Variants in YTHDF1 observed in about 807,000 individuals in gnomAD.
YTHDF1 encodes the protein YTH N6-methyladenosine RNA binding protein F1.
YTHDF1 carries 16 observed loss-of-function variants against 49.1 expected under a neutral mutation model. That is an observed-to-expected ratio of 0.33 (90% CI 0.22 to 0.49). The LOEUF (loss-of-function observed/expected upper bound fraction) is 0.49, where lower values mean the gene tolerates loss of function less well. Ranked by LOEUF, YTHDF1 falls within the 20% of genes least tolerant of loss-of-function variation. The pLI, the probability that YTHDF1 is intolerant of heterozygous loss-of-function variation, is 0.99. For missense variants in YTHDF1, 621 were observed against 744.3 expected (o/e 0.83, Z 1.93); for synonymous variants, 313 against 290.1 (o/e 1.08, Z -0.80).
chr20:63,199,874 C>T (rs2066509781), intron 4 of YTHDF1, among the ~76,000 whole-genome samples: 1 of 152,038 alleles, frequency 6.6e-6, no homozygotes, highest in Admixed American at 6.5e-5. Context: ...GCCTGGGCAA[C>T]ATAGCAAGAC....
In YTHDF1 at chr20:63,212,336, G is replaced by A. The variant is rs191723378; in HGVS notation, c.132+1528C>T. Among the ~76,000 whole-genome samples, 38 of 152,332 alleles carry A rather than the reference G, an allele frequency of 2.5e-4. No individual in the cohort carries two copies. In the East Asian group the frequency reaches 7.3e-3, roughly 29 times the overall value. On this transcript the variant is annotated intron_variant, in intron 3 of 4. Transcript: ENST00000370339. ...CGCCAAGTGCAGTAGGAGGGAGGGG[G>A]ATGAAGGAACATTCTAAGAAGTTCT...
chr20:63,199,875 A>G (rs2066509794), intron 4 of YTHDF1, among the ~76,000 whole-genome samples: 1 of 152,154 alleles, frequency 6.6e-6, no homozygotes. Flanking sequence ...CCTGGGCAAC[A>G]TAGCAAGACA....
In YTHDF1 at chr20:63,203,759, G is replaced by A; in HGVS notation, c.181C>T (p.Pro61Ser). The change falls in exon 4 of 5, where the codon CCG becomes TCG. Residue 61 changes from proline to serine, a missense_variant. Physicochemically the swap from Pro to Ser is moderately conservative, Grantham distance 74. Transcript: ENST00000370339. The surrounding 1 kb of genome is among the most constrained non-coding windows in gnomAD (Gnocchi z 4.4). The stretch of plus-strand genomic sequence containing the variant: ...GAGTAAGGAAATCCAATGGACGGCG[G>A]GTAATAGCTGGACAGGTAGGGGTCG... Reference protein sequence around the residue: ...MSDPYLSSYYPPSIGFPYSLN... With the variant: ...MSDPYLSSYYSPSIGFPYSLN... 1 of 1,613,882 alleles carries A rather than the reference G, an allele frequency of 6.2e-7. No individual in the cohort carries two copies. The highest frequency in any genetic ancestry group is 8.5e-7 in the Non-Finnish European group (1 of 1,179,822).
At chr20:63,213,709 A>G (rs1441276901) in intron 3 of YTHDF1, among the ~76,000 whole-genome samples, 155 bp downstream of exon 3, 3 of 152,364 alleles carry the variant, frequency 2.0e-5, no homozygotes, top group East Asian at 3.9e-4. Context: ...CAAGGTTAAC[A>G]GGAGTCACAT....
chr20:63,198,004 A>G (rs1353287024), intron 4 of YTHDF1, among the ~76,000 whole-genome samples: 1 of 152,148 alleles, frequency 6.6e-6, no homozygotes, highest in Non-Finnish European at 1.5e-5. Flanking sequence ...AAGGCTCCAG[A>G]GTATTTGGAT....
intron 1 of YTHDF1, 91 bp downstream of exon 1, chr20:63,215,775 C>A: frequency 1.4e-6 from 2 of 1,385,784 alleles, no homozygotes; most frequent in Non-Finnish European, 1.9e-6. Flanking sequence ...CCGGCCTCCG[C>A]GACCCCGGGC....
chr20:63,203,477 G>T lies in YTHDF1; in HGVS notation c.463C>A (p.Pro155Thr), dbSNP rs1177996775. ...ACCACCGTGCCACCCAGGGAGCTCG[G>T]GGGGTAGGTGTAGCTGCTCCCATAC... is the stretch of plus-strand genomic sequence containing the variant. The part of the protein sequence containing the change: ...SAYGSSYTYP[P>T]SSLGGTVVDG... The change falls in exon 4 of 5, where the codon CCG (proline) becomes ACG (threonine). Residue 155 changes from proline to threonine, a missense_variant. Physicochemically the swap from Pro to Thr is conservative, Grantham distance 38. Coordinates refer to ENST00000370339, the MANE Select transcript of YTHDF1 (RefSeq NM_017798.4). This position sits in a 1 kb window ranked among gnomAD's most constrained non-coding sequence, Gnocchi z 4.4. 1 of 1,613,486 alleles carries T rather than the reference G, an allele frequency of 6.2e-7. No individual in the cohort carries two copies.
chr20:63,211,960 TACACACACACAC>T (rs57357558), intron 3 of YTHDF1, among the ~76,000 whole-genome samples: 4,287 of 143,740 alleles, frequency 0.03, 88 homozygotes, highest in Non-Finnish European at 0.036. Context: ...GTCTCCAAAA[TACACACACACAC>T]ACACACACAC....
At chr20:63,201,345 A>C (rs575455260) in intron 4 of YTHDF1, among the ~76,000 whole-genome samples, 1 of 152,348 alleles carries the variant, frequency 6.6e-6, no homozygotes, top group South Asian at 2.1e-4. Context: ...AAAACACTGA[A>C]AACCCATCTA....
At chr20:63,213,988 T>C in intron 2 of YTHDF1, 45 bp from the exon 3 acceptor site, 2 of 1,553,898 alleles carry the variant, frequency 1.3e-6, no homozygotes, top group Non-Finnish European at 1.7e-6. Flanking sequence ...TTTTAAAAGA[T>C]TACTTTTAAG....
chr20:63,215,659 CAA>C (rs1555882761), intron 1 of YTHDF1, 58 bp from the exon 2 acceptor site: 1 of 1,564,060 alleles, frequency 6.4e-7, no homozygotes, highest in Non-Finnish European at 8.6e-7. Flanking sequence ...GAGGGAAACA[CAA>C]AGTTATTCAC....
At chr20:63,207,482 CA>C (rs557298739) in intron 3 of YTHDF1, among the ~76,000 whole-genome samples, 1 of 149,206 alleles carries the variant, frequency 6.7e-6, no homozygotes, top group Non-Finnish European at 1.5e-5. Context: ...CACCCCCCTC[CA>C]AAAAAAAGAA....
intron 3 of YTHDF1, among the ~76,000 whole-genome samples, chr20:63,208,328 A>G (rs2066557930): frequency 6.6e-6 from 1 of 152,236 alleles, no homozygotes; most frequent in South Asian, 2.1e-4. Context: ...TGAGGGAGTG[A>G]TATGGCTCCT....
intron 4 of YTHDF1, among the ~76,000 whole-genome samples, chr20:63,201,213 C>T (rs1206917448): frequency 6.6e-6 from 1 of 152,150 alleles, no homozygotes; most frequent in Non-Finnish European, 1.5e-5. Flanking sequence ...AGACTGCAGA[C>T]AGTGCAGGCG....
intron 3 of YTHDF1, among the ~76,000 whole-genome samples, chr20:63,205,849 G>A (rs13042920): frequency 0.1 from 15,515 of 152,196 alleles, 1,053 homozygotes; most frequent in Non-Finnish European, 0.14. Context: ...CTGTTTCCCC[G>A]TAATATAAAT....
At chr20:63,207,713 TAACA>T (rs1568993372) in intron 3 of YTHDF1, among the ~76,000 whole-genome samples, 2 of 151,470 alleles carry the variant, frequency 1.3e-5, no homozygotes, top group Non-Finnish European at 2.9e-5. Context: ...GAAGAAAGGC[TAACA>T]CATTTTTAGC....
At position 63,202,820 on chromosome 20, in the gene YTHDF1, C is replaced by T. The variant is rs1431446683; in HGVS notation, c.1120G>A (p.Ala374Thr). Residue 374 changes from alanine to threonine, a missense_variant, in exon 4 of 5, where the codon GCT becomes ACT. Coordinates refer to ENST00000370339, the MANE Select transcript of YTHDF1 (RefSeq NM_017798.4). ...AACTCTTTCGGGTTGTAGCTGTGAG[C>T]AGCCTTCAGTTTTTCAAGGACGGGG... Reference protein sequence around the residue: ...SHPVLEKLKAAHSYNPKEFEW... With the variant: ...SHPVLEKLKATHSYNPKEFEW... 6.2e-7 allele frequency: 1 copy of T among 1,613,972 alleles called. No individual in the cohort carries two copies. The highest frequency in any genetic ancestry group is 8.5e-7 in the Non-Finnish European group (1 of 1,180,056).
chr20:63,216,047 C>T lies in YTHDF1; in HGVS notation c.-155G>A. The stretch of plus-strand genomic sequence containing the variant: ...CGGCGGCGGCTGCTGGGCGCGCGGG[C>T]CCCTGGCGAGGCGGCAGCGGCGGTG... On this transcript the variant is annotated 5_prime_UTR_variant, in exon 1 of 5. Transcript: ENST00000370339. 1.9e-6 allele frequency: 1 copy of T among 526,056 alleles called. No homozygotes were observed. The highest frequency in any genetic ancestry group is 2.4e-6 in the Non-Finnish European group (1 of 411,350). 32.6% of individuals were successfully genotyped at this position (526,056 alleles called of 1,614,324 possible). A position where few individuals can be genotyped will look rare whatever the true frequency, so the allele number is the denominator to read the frequency against.
chr20:63,199,478 C>G (rs1006301821), intron 4 of YTHDF1, among the ~76,000 whole-genome samples: 5 of 151,326 alleles, frequency 3.3e-5, no homozygotes, highest in African/African-American at 1.2e-4. Context: ...GAGATCACAC[C>G]ACTACACTCC....
Sources: gnomAD v4.1 joint callset for allele counts (sites outside exome capture counted in the v4.1 genomes callset) on GRCh38, gnomAD v4.1.1 for gene constraint, Gnocchi (gnomAD v3.1) non-coding constraint, MANE v1.5 for transcripts, NCBI Gene and HGNC (gene_info 2026-07-23, HGNC 2026-07-21) for gene names.